PALM2AKAP2: variants seen among roughly 807,000 people sequenced by gnomAD.
The protein encoded by PALM2AKAP2 is PALM2-AKAP2 fusion protein.
A neutral mutation model predicts 71.5 loss-of-function variants in PALM2AKAP2; 37 were observed. The ratio of observed to expected loss-of-function variants is 0.52; its 90% confidence interval spans 0.40 to 0.68. The LOEUF (loss-of-function observed/expected upper bound fraction) is 0.68. Ranked by LOEUF, PALM2AKAP2 falls within the 30% of genes least tolerant of loss-of-function variation. The pLI, the probability that PALM2AKAP2 is intolerant of heterozygous loss-of-function variation, is 0.00. For synonymous variants in PALM2AKAP2, 468 were observed against 478.8 expected, an observed-to-expected ratio of 0.98 and a Z score of 0.29; for missense variants, 1,224 against 1,191.8, an observed-to-expected ratio of 1.03 and a Z score of -0.40.
intron 6 of PALM2AKAP2, chr9:109,943,642 T>C: frequency 1.7e-6 from 1 of 585,502 alleles, no homozygotes; most frequent in Non-Finnish European, 2.9e-6. Context: ...TTGCTTTTCC[T>C]CTAAACCTTT....
intron 6 of PALM2AKAP2, among the ~76,000 whole-genome samples, chr9:110,005,510 A>T (rs978248417): frequency 2.6e-5 from 4 of 152,192 alleles, no homozygotes; most frequent in Non-Finnish European, 5.9e-5. Context: ...CCATTCTCAG[A>T]TCTCCAGCTG....
chr9:110,053,773 T>C (rs1342953857), intron 1 of PALM2AKAP2, among the ~76,000 whole-genome samples: 1 of 152,084 alleles, frequency 6.6e-6, no homozygotes, highest in African/African-American at 2.4e-5. Context: ...GGGTTTTTTG[T>C]TTGTTTTTTC....
intron 2 of PALM2AKAP2, among the ~76,000 whole-genome samples, chr9:110,155,988 G>C (rs572559572): frequency 6.9e-4 from 105 of 152,318 alleles, no homozygotes; most frequent in Middle Eastern, 3.4e-3. Context: ...ACCTCTGACA[G>C]TCTAATTCTG....
chr9:110,134,208 G>T (rs1835796613), intron 1 of PALM2AKAP2, among the ~76,000 whole-genome samples: 1 of 152,042 alleles, frequency 6.6e-6, no homozygotes, highest in Non-Finnish European at 1.5e-5. Context: ...GAGCTCAGGA[G>T]TTCAAGGTTG....
At chr9:110,136,575 C>T (rs1835875790) in exon 2 of PALM2AKAP2, 3 of 1,613,490 alleles carry the variant, frequency 1.9e-6, no homozygotes, top group Non-Finnish European at 2.5e-6. Flanking sequence ...CAGGCACCTC[C>T]TCACATCGAG....
At chr9:109,755,633 G>T (rs553849822) in intron 1 of PALM2AKAP2, among the ~76,000 whole-genome samples, 1 of 152,014 alleles carries the variant, frequency 6.6e-6, no homozygotes, top group Admixed American at 6.6e-5. Context: ...CTGAGCAACA[G>T]AGTGAAACCT....
At chr9:109,815,570 C>T (rs1827831895) in intron 1 of PALM2AKAP2, among the ~76,000 whole-genome samples, 1 of 152,046 alleles carries the variant, frequency 6.6e-6, no homozygotes, top group South Asian at 2.1e-4. Flanking sequence ...AAGAACTTTC[C>T]AGGAAGGAGG....
At chr9:110,141,740 T>A (rs1836036265) in intron 2 of PALM2AKAP2, among the ~76,000 whole-genome samples, 1 of 152,228 alleles carries the variant, frequency 6.6e-6, no homozygotes, top group Non-Finnish European at 1.5e-5. Context: ...AGATTGATGA[T>A]TGGATACTAG....
intron 6 of PALM2AKAP2, among the ~76,000 whole-genome samples, chr9:109,992,939 G>GTATA (rs372571970): frequency 0.016 from 2,165 of 138,816 alleles, 12 homozygotes; most frequent in Non-Finnish European, 0.017. Flanking sequence ...TCATATATAT[G>GTATA]TATATATATA....
intron 3 of PALM2AKAP2, among the ~76,000 whole-genome samples, chr9:109,908,808 G>GCACACACACACACACACA (rs59715039): frequency 2.3e-4 from 35 of 150,116 alleles, no homozygotes; most frequent in African/African-American, 4.6e-4. Context: ...GGATGCGTGT[G>GCACACACACACACACACA]CACACACACA....
intron 1 of PALM2AKAP2, among the ~76,000 whole-genome samples, chr9:109,782,304 T>A (rs780403276): frequency 6.6e-6 from 1 of 152,210 alleles, no homozygotes; most frequent in Non-Finnish European, 1.5e-5. Context: ...TATTGAAGAA[T>A]TGAGTTTGTC....
chr9:109,968,171 C>T (rs1831992091), intron 6 of PALM2AKAP2, among the ~76,000 whole-genome samples: 1 of 152,206 alleles, frequency 6.6e-6, no homozygotes. Context: ...GAACAGTCCT[C>T]TCTGGCACTT....
At chr9:109,944,393 A>G (rs1207664349) in intron 6 of PALM2AKAP2, 2 of 152,136 alleles carry the variant, frequency 1.3e-5, no homozygotes, top group Non-Finnish European at 2.9e-5. Context: ...TGTCCAACCT[A>G]CAATGGTTGC....
chr9:109,981,631 G>A (rs927322056), intron 6 of PALM2AKAP2, among the ~76,000 whole-genome samples: 3 of 152,226 alleles, frequency 2.0e-5, no homozygotes, highest in African/African-American at 7.2e-5. Context: ...CTGAGAGGGA[G>A]GTTTTGTTTT....
chr9:109,663,287 G>T (rs916518398), intron 1 of PALM2AKAP2, among the ~76,000 whole-genome samples: 1 of 152,044 alleles, frequency 6.6e-6, no homozygotes, highest in Non-Finnish European at 1.5e-5. Flanking sequence ...TTAGGGTGTT[G>T]ATTTTAGATC....
At chr9:109,915,574 CT>C (rs1438172056) in intron 3 of PALM2AKAP2, among the ~76,000 whole-genome samples, 7 of 152,122 alleles carry the variant, frequency 4.6e-5, no homozygotes, top group Non-Finnish European at 8.8e-5. Flanking sequence ...AGTCAGTGCT[CT>C]TTCTGTGTAT....
intron 1 of PALM2AKAP2, among the ~76,000 whole-genome samples, chr9:109,670,121 T>A (rs568310485): frequency 1.8e-4 from 28 of 152,264 alleles, no homozygotes; most frequent in Admixed American, 4.6e-4. Flanking sequence ...TTTATTTTTT[T>A]AAAAAAACTT....
At chr9:109,713,644 G>A (rs1828273939) in intron 1 of PALM2AKAP2, among the ~76,000 whole-genome samples, 2 of 152,134 alleles carry the variant, frequency 1.3e-5, no homozygotes, top group African/African-American at 4.8e-5. Flanking sequence ...AATCTCATTA[G>A]CAAGCAGATC....
upstream of PALM2AKAP2, among the ~76,000 whole-genome samples, chr9:109,778,182 C>T (rs139259807): frequency 2.0e-5 from 3 of 152,252 alleles, no homozygotes; most frequent in East Asian, 3.9e-4. Context: ...GTAGAAGGAC[C>T]ATTTCTGGTT....
Sources: allele counts gnomAD v4.1 joint callset (sites outside exome capture counted in the v4.1 genomes callset), GRCh38; gene constraint gnomAD v4.1.1; transcripts MANE v1.5; gene names NCBI Gene and HGNC (gene_info 2026-07-23, HGNC 2026-07-21).